Variants in DNAH12 observed in about 807,000 individuals in gnomAD.
DNAH12 encodes dynein axonemal heavy chain 12.
DNAH12 carries 285 observed loss-of-function variants against 371.5 expected under a neutral mutation model. That is an observed-to-expected ratio of 0.77 (90% confidence interval 0.70 to 0.85). DNAH12 has a LOEUF of 0.85. DNAH12 is among the 40% of genes least tolerant of loss of function. DNAH12 has a pLI of 0.00. For missense variants in DNAH12, 3,611 were observed against 3,689.4 expected (o/e 0.98, Z 0.55); for synonymous variants, 1,200 against 1,213.0 (o/e 0.99, Z 0.22).
chr3:57,544,926 G>A (rs370507361), upstream of DNAH12, among the ~76,000 whole-genome samples: 5 of 151,444 alleles, frequency 3.3e-5, no homozygotes, highest in East Asian at 5.8e-4. Flanking sequence ...AATACTGCCG[G>A]TGTGTTAACA....
intron 2 of DNAH12, among the ~76,000 whole-genome samples, chr3:57,531,278 A>G (rs2068836930): frequency 6.6e-6 from 1 of 152,080 alleles, no homozygotes. Flanking sequence ...TTTAAAGCAT[A>G]TTTTTTCCAG....
rs992458996 is a variant in DNAH12, at chr3:57,474,818, G to C, written c.1651-2147C>G. On this transcript the variant is annotated intron_variant, in intron 13 of 73. Coordinates refer to ENST00000495027, the MANE Select transcript of DNAH12 (RefSeq NM_001366028.2). ...CTAAAAATACAAAAATTAGCTGGGT[G>C]TGGTGGTGCTAGCTGGGCGTGGTGG... is the stretch of plus-strand genomic sequence containing the variant. Among the ~76,000 whole-genome samples the C allele has an allele frequency of 2.6e-5, 4 of 151,890 alleles. No individual in the cohort carries two copies. The East Asian group carries it at 7.8e-4, about 30-fold the overall frequency.
intron 35 of DNAH12, among the ~76,000 whole-genome samples, chr3:57,422,334 T>G (rs1368951747): frequency 6.6e-6 from 1 of 152,086 alleles, no homozygotes; most frequent in Non-Finnish European, 1.5e-5. Flanking sequence ...TTCAAGCTAT[T>G]CTCCTGCCTC....
chr3:57,421,508 T>C lies in DNAH12; in HGVS notation c.5562+10A>G. On this transcript the variant is annotated intron_variant, in intron 36 of 73. Coordinates refer to ENST00000495027, the MANE Select transcript of DNAH12 (RefSeq NM_001366028.2). Reference sequence around the variant, plus strand: ...TTTTATCTTACCATAACAAGCTTTTTATGTCATACCTCATACATGTAGTCA... The same window carrying C: ...TTTTATCTTACCATAACAAGCTTTTCATGTCATACCTCATACATGTAGTCA... 1 of 1,551,308 alleles carries C rather than the reference T, an allele frequency of 6.4e-7. No homozygotes were observed. Among genetic ancestry groups the C allele is most frequent in the Non-Finnish European group, 8.7e-7 (1 of 1,146,800 alleles).
chr3:57,442,841 TA>T (rs1281451885), intron 29 of DNAH12, among the ~76,000 whole-genome samples: 1 of 152,112 alleles, frequency 6.6e-6, no homozygotes, highest in East Asian at 1.9e-4. Context: ...GACAAAAAAA[TA>T]AAGATGCCTT....
In DNAH12 at chr3:57,293,820, G is replaced by C. The variant is rs752293686; in HGVS notation, c.11844C>G (p.Ile3948Met). Residue 3948 changes from isoleucine to methionine, a missense_variant, in exon 74 of 74, where the codon ATC (isoleucine) becomes ATG (methionine). This residue lies in a region of DNAH12 where 2,266 missense variants were observed against 2,236.9 expected (regional missense o/e 1.01). Transcript: ENST00000495027. ...GACAAAGCAAAGCAACCCCGCGCTT[G>C]ATCCAGTGCCGAGTAGGTTGGTCTG... ...LKTDQPTRHWIKRGVALLCQL... is the reference protein window; with the variant it reads ...LKTDQPTRHWMKRGVALLCQL... 3.9e-6 allele frequency: 6 copies of C among 1,548,764 alleles called. No homozygotes were observed. In the South Asian group the frequency reaches 6.0e-5, roughly 15 times the overall value.
intron 67 of DNAH12, among the ~76,000 whole-genome samples, 170 bp from the exon 68 acceptor site, chr3:57,310,024 A>G (rs1196101173): frequency 6.6e-6 from 1 of 152,214 alleles, no homozygotes; most frequent in East Asian, 1.9e-4. Context: ...TTATCTGTCT[A>G]AAAGTAGGGC....
At chr3:57,371,568 C>T (rs942014004) in intron 55 of DNAH12, among the ~76,000 whole-genome samples, 6 of 151,700 alleles carry the variant, frequency 4.0e-5, no homozygotes, top group African/African-American at 4.8e-5. Flanking sequence ...GTTCCAGCTA[C>T]ATCAGGAGGC....
At chr3:57,311,063 G>T in intron 66 of DNAH12, 113 bp from the exon 67 acceptor site, 1 of 775,698 alleles carries the variant, frequency 1.3e-6, no homozygotes, top group Non-Finnish European at 2.1e-6. Flanking sequence ...ATCATGAGTT[G>T]TCTTTCGGTA....
chr3:57,379,162 G>A lies in DNAH12; in HGVS notation c.8219C>T (p.Ala2740Val), dbSNP rs1291060701. 3 of 152,094 alleles carry A rather than the reference G, an allele frequency of 2.0e-5. No individual in the cohort carries two copies. Among genetic ancestry groups the A allele is most frequent in the African/African-American group, 7.2e-5 (3 of 41,408 alleles). 9.4% of individuals were successfully genotyped at this position (152,094 alleles called of 1,614,324 possible). The change falls in exon 52 of 74, where the codon GCA (alanine) becomes GTA (valine). Residue 2740 changes from alanine to valine, a missense_variant. Coordinates refer to ENST00000495027, the MANE Select transcript of DNAH12 (RefSeq NM_001366028.2). ...IMAMEVYDRV[A>V]KVVAPKKARL... Reference sequence around the variant, plus strand: ...ATGTGCTAATGTTGAAAGTACCTTTGCAACTCTGTCGTACACTTCCATGGC... The same window carrying A: ...ATGTGCTAATGTTGAAAGTACCTTTACAACTCTGTCGTACACTTCCATGGC...
chr3:57,354,150 C>G (rs937525595), intron 59 of DNAH12, among the ~76,000 whole-genome samples: 4 of 152,126 alleles, frequency 2.6e-5, no homozygotes, highest in Admixed American at 6.5e-5. Flanking sequence ...CTAGATAAAA[C>G]TAATGTGGTA....
intron 12 of DNAH12, among the ~76,000 whole-genome samples, chr3:57,484,377 C>G (rs1026716689): frequency 1.3e-5 from 2 of 152,070 alleles, no homozygotes; most frequent in Admixed American, 6.6e-5. Flanking sequence ...AGTTACATTT[C>G]ATGGAATTTT....
At chr3:57,415,680 C>T (rs959863996) in intron 37 of DNAH12, 116 bp from the exon 38 acceptor site, 2 of 1,003,406 alleles carry the variant, frequency 2.0e-6, no homozygotes, top group South Asian at 2.2e-5. Context: ...TCATTAAAAA[C>T]TCATTTTTAC....
chr3:57,485,634 C>T (rs575965319), intron 12 of DNAH12, among the ~76,000 whole-genome samples: 8 of 152,040 alleles, frequency 5.3e-5, no homozygotes, highest in Non-Finnish European at 1.0e-4. Context: ...CTCCTGACCT[C>T]GTGATCCACC....
At chr3:57,459,826 A>G in intron 19 of DNAH12, 40 bp from the exon 20 acceptor site, 1 of 1,296,346 alleles carries the variant, frequency 7.7e-7, no homozygotes, top group Non-Finnish European at 9.9e-7. Context: ...TAGTTATTAA[A>G]GAAAGGCTAT....
chr3:57,526,057 C>T (rs1359915266), intron 2 of DNAH12, among the ~76,000 whole-genome samples: 2 of 152,060 alleles, frequency 1.3e-5, no homozygotes, highest in Non-Finnish European at 2.9e-5. Flanking sequence ...GCCACTGTGC[C>T]TGGCCTTTTT....
At chr3:57,300,797 C>T (rs539392064) in intron 70 of DNAH12, among the ~76,000 whole-genome samples, 1 of 147,360 alleles carries the variant, frequency 6.8e-6, no homozygotes, top group South Asian at 2.1e-4. Flanking sequence ...TGAGAATTTC[C>T]AAAAAAAAAA....
Position 57,445,247 on chromosome 3 carries a change from C to A in DNAH12, c.4352G>T (p.Arg1451Leu), listed in dbSNP as rs2065447017. 3 of 1,551,122 alleles carry A rather than the reference C, an allele frequency of 1.9e-6. No homozygotes were observed. Among genetic ancestry groups the A allele is most frequent in the Non-Finnish European group, 1.7e-6 (2 of 1,146,696 alleles). Residue 1451 changes from arginine to leucine, a missense_variant, in exon 28 of 74, where the codon CGA becomes CTA. Arg to Leu is a moderately radical substitution (Grantham distance 102, BLOSUM62 -2). Around this residue, in one of 3 missense-constraint regions of DNAH12, gnomAD observed 2,266 missense variants for 2,236.9 expected, o/e 1.01. Coordinates refer to ENST00000495027, the MANE Select transcript of DNAH12 (RefSeq NM_001366028.2). ...SSQFHYDYGM[R>L]AVKAVLVAAG... ...AGCCACTAAAACGGCTTTTACTGCT[C>A]GCATTCCATAGTCGTAATGAAATTG...
the DNAH12 span, among the ~76,000 whole-genome samples, chr3:57,552,676 G>A: frequency 6.6e-6 from 1 of 152,130 alleles, no homozygotes; most frequent in Admixed American, 6.6e-5. Context: ...TTGGGAGGCT[G>A]AGGCAGGTGG....
Sources: gnomAD v4.1 joint callset for allele counts (sites outside exome capture counted in the v4.1 genomes callset) on GRCh38, gnomAD v4.1.1 for gene constraint, gnomAD v4.1.1 regional missense constraint, MANE v1.5 for transcripts, NCBI Gene and HGNC (gene_info 2026-07-23, HGNC 2026-07-21) for gene names.